Variants in MBNL1 observed in about 807,000 individuals in gnomAD.
The protein encoded by MBNL1 is muscleblind like splicing regulator 1, also known as muscleblind-like protein 1.
In MBNL1, 8 loss-of-function variants were observed where a neutral mutation model predicts 42.2. The ratio of observed to expected loss-of-function variants is 0.19; its 90% confidence interval spans 0.11 to 0.34. The LOEUF (loss-of-function observed/expected upper bound fraction) is 0.34, where lower values mean the gene tolerates loss of function less well. MBNL1 is among the 10% of genes least tolerant of loss of function. MBNL1 has a pLI of 1.00. For missense variants in MBNL1, 309 were observed against 495.3 expected, an observed-to-expected ratio of 0.62 and a Z score of 3.57; for synonymous variants, 169 against 173.9, an observed-to-expected ratio of 0.97 and a Z score of 0.22.
intron 2 of MBNL1, among the ~76,000 whole-genome samples, chr3:152,388,554 T>G (rs74657522): frequency 0.071 from 10,847 of 152,330 alleles, 511 homozygotes; most frequent in Middle Eastern, 0.16. Flanking sequence ...CCCTTGATTG[T>G]GAGTGCTTCA....
intron 1 of MBNL1, among the ~76,000 whole-genome samples, chr3:152,270,055 A>G (rs1311899131): frequency 6.6e-6 from 1 of 151,982 alleles, no homozygotes; most frequent in Non-Finnish European, 1.5e-5. Flanking sequence ...GCACTTTACA[A>G]CTACAGGGGT....
chr3:152,399,881 A>G (rs1225696603), intron 2 of MBNL1, among the ~76,000 whole-genome samples: 1 of 152,174 alleles, frequency 6.6e-6, no homozygotes, highest in Non-Finnish European at 1.5e-5. Context: ...TTATAGTAAA[A>G]TCATTTGTTG....
At chr3:152,347,839 A>G (rs931994589) in intron 2 of MBNL1, among the ~76,000 whole-genome samples, 4 of 152,190 alleles carry the variant, frequency 2.6e-5, no homozygotes, top group African/African-American at 9.7e-5. Context: ...ATTTATCTGA[A>G]AAGCAATATA....
intron 3 of MBNL1, among the ~76,000 whole-genome samples, chr3:152,421,642 G>T (rs138466866): frequency 6.6e-6 from 1 of 152,050 alleles, no homozygotes; most frequent in Non-Finnish European, 1.5e-5. Context: ...ACATATAATC[G>T]TCAGATTCAC....
At chr3:152,356,389 T>C (rs1393897696) in intron 2 of MBNL1, among the ~76,000 whole-genome samples, 1 of 152,232 alleles carries the variant, frequency 6.6e-6, no homozygotes, top group Non-Finnish European at 1.5e-5. Context: ...AATCTGCTTC[T>C]TAAACAGTGG....
intron 2 of MBNL1, among the ~76,000 whole-genome samples, chr3:152,252,692 C>CTGGTA (rs1257535754): frequency 6.6e-6 from 1 of 152,084 alleles, no homozygotes; most frequent in Non-Finnish European, 1.5e-5. Flanking sequence ...TGTAGTCACA[C>CTGGTA]TGGTAGTTCA....
intron 2 of MBNL1, among the ~76,000 whole-genome samples, chr3:152,329,938 TA>T (rs200337649): frequency 3.3e-5 from 5 of 152,004 alleles, no homozygotes; most frequent in East Asian, 3.9e-4. Flanking sequence ...ATGAATTCTC[TA>T]AAAAATATAA....
At chr3:152,380,482 T>A (rs2097135119) in intron 2 of MBNL1, among the ~76,000 whole-genome samples, 1 of 152,054 alleles carries the variant, frequency 6.6e-6, no homozygotes, top group Non-Finnish European at 1.5e-5. Context: ...ACTTTCCAAT[T>A]GTTAATTGAT....
At chr3:152,447,109 T>C (rs1043467718) in intron 5 of MBNL1, among the ~76,000 whole-genome samples, 4 of 152,226 alleles carry the variant, frequency 2.6e-5, no homozygotes, top group Non-Finnish European at 5.9e-5. Flanking sequence ...ATTTACATTT[T>C]AATATTTATA....
intron 2 of MBNL1, among the ~76,000 whole-genome samples, chr3:152,377,711 G>A (rs765076658): frequency 3.9e-5 from 6 of 152,130 alleles, no homozygotes; most frequent in Non-Finnish European, 8.8e-5. Context: ...ATTTAACATT[G>A]AGTAAATTAA....
chr3:152,309,557 C>G lies in MBNL1; in HGVS notation c.174+9190C>G, dbSNP rs567808002. On this transcript the variant is annotated intron_variant, in intron 2 of 9. Transcript: ENST00000324210. ...GGCTGTTCTCAAATAAGGCAAGAAGCATCTGCTGTTAATAGCTGACAGTAA... is the reference window on the plus strand; with the variant it reads ...GGCTGTTCTCAAATAAGGCAAGAAGGATCTGCTGTTAATAGCTGACAGTAA... 6.6e-5 allele frequency among the ~76,000 whole-genome samples: 10 copies of G among 152,246 alleles called. 1 individual carries two copies. The South Asian group carries it at 1.9e-3, about 28-fold the overall frequency.
At chr3:152,343,576 G>T (rs1356566795) in intron 2 of MBNL1, among the ~76,000 whole-genome samples, 4 of 152,108 alleles carry the variant, frequency 2.6e-5, no homozygotes, top group African/African-American at 9.7e-5. Flanking sequence ...CTTGTTTAAG[G>T]ATCCCAAGCC....
chr3:152,456,262 G>A lies in MBNL1; in HGVS notation c.998-5G>A, dbSNP rs568199327. The A allele has an allele frequency of 2.1e-5, 33 of 1,608,870 alleles. No homozygotes were observed. The highest frequency in any genetic ancestry group is 2.0e-4 in the South Asian group (18 of 90,986). ...TGTTCGCTTATATGATTTTCCCTCC[G>A]AAAGTTCCCATGGTGCACGGTGCTA... is the stretch of plus-strand genomic sequence containing the variant. On this transcript the variant is annotated splice_polypyrimidine_tract_variant and splice_region_variant and intron_variant, in intron 7 of 9. Transcript: ENST00000324210.
chr3:152,450,605 CAG>C (rs1403192742), intron 6 of MBNL1, among the ~76,000 whole-genome samples: 7 of 152,196 alleles, frequency 4.6e-5, no homozygotes, highest in Non-Finnish European at 1.0e-4. Flanking sequence ...TTTGTTGCCT[CAG>C]AGGATTGTCT....
chr3:152,378,891 A>AT (rs1192255709), intron 2 of MBNL1, among the ~76,000 whole-genome samples: 4 of 151,820 alleles, frequency 2.6e-5, no homozygotes, highest in African/African-American at 7.3e-5. Context: ...TGATAATTGC[A>AT]TTTTTTTAGA....
chr3:152,372,786 C>T (rs1427571617), intron 2 of MBNL1, among the ~76,000 whole-genome samples: 1 of 152,212 alleles, frequency 6.6e-6, no homozygotes, highest in Non-Finnish European at 1.5e-5. Flanking sequence ...CAGGGACCCA[C>T]TTGAGGAGGC....
chr3:152,458,956 CGTGT>C lies in MBNL1; in HGVS notation c.1093-300_1093-297del, dbSNP rs748781429. On this transcript the variant is annotated intron_variant, in intron 8 of 9. Coordinates refer to ENST00000324210, the MANE Select transcript of MBNL1 (RefSeq NM_021038.5). ...CTAAGTAACTGAAACCACGGGGGTG[CGTGT>C]GTGTGTGTGTGTGTAGGCCAACAAA... 73 of 194,202 alleles carry C rather than the reference CGTGT, an allele frequency of 3.8e-4. No homozygotes were observed. In the Middle Eastern group the frequency reaches 5.5e-3, roughly 15 times the overall value. The allele number at this position is 194,202 out of a possible 1,614,324, so 12.0% of individuals were successfully genotyped here. A position where few individuals can be genotyped will look rare whatever the true frequency, so the allele number is the denominator to read the frequency against.
intron 2 of MBNL1, among the ~76,000 whole-genome samples, chr3:152,363,082 A>G (rs2096097726): frequency 6.6e-6 from 1 of 152,206 alleles, no homozygotes; most frequent in Admixed American, 6.6e-5. Context: ...GTTTTGACAT[A>G]ATAATAGGAG....
chr3:152,344,074 G>C (rs925085911), intron 2 of MBNL1, among the ~76,000 whole-genome samples: 1 of 151,828 alleles, frequency 6.6e-6, no homozygotes, highest in African/African-American at 2.4e-5. Flanking sequence ...TTTTTGGGGG[G>C]TGACTGGTAT....
Sources: allele counts gnomAD v4.1 joint callset (sites outside exome capture counted in the v4.1 genomes callset), GRCh38; gene constraint gnomAD v4.1.1; transcripts MANE v1.5; gene names NCBI Gene and HGNC (gene_info 2026-07-23, HGNC 2026-07-21).